The following CCBE1 variants were observed in gnomAD, a reference collection of about 807,000 sequenced individuals.
CCBE1 encodes the protein collagen and calcium-binding EGF domain-containing protein 1.
CCBE1 carries 37 observed loss-of-function variants against 50.0 expected under a neutral mutation model. That is an observed-to-expected ratio of 0.74 (90% CI 0.57 to 0.97). The LOEUF (loss-of-function observed/expected upper bound fraction) is 0.97. Ranked by LOEUF, CCBE1 falls within the 50% of genes least tolerant of loss-of-function variation. CCBE1 has a pLI of 0.00. For synonymous variants in CCBE1, 234 were observed against 203.7 expected, an observed-to-expected ratio of 1.15 and a Z score of -1.27; for missense variants, 538 against 523.8, an observed-to-expected ratio of 1.03 and a Z score of -0.26.
chr18:59,659,444 T>C (rs916158429), intron 2 of CCBE1, among the ~76,000 whole-genome samples: 1 of 151,970 alleles, frequency 6.6e-6, no homozygotes, highest in African/African-American at 2.4e-5. Flanking sequence ...CATGAAAAGG[T>C]GGGGAGGTGG....
chr18:59,608,699 T>C (rs371114208), intron 2 of CCBE1, among the ~76,000 whole-genome samples: 2 of 152,328 alleles, frequency 1.3e-5, no homozygotes, highest in East Asian at 1.9e-4. Context: ...TGTGGATGAG[T>C]GAAAACGTCT....
rs773974126 is a variant in CCBE1, at chr18:59,466,914, A to G, written c.401-23T>C. ...TATCTGGTTTGAACCAAATGTAGAG[A>G]ATACTAAGTTTCTGAGAATTCACTT... On this transcript the variant is annotated intron_variant, in intron 4 of 10. Coordinates refer to ENST00000439986, the MANE Select transcript of CCBE1 (RefSeq NM_133459.4). 2.5e-6 allele frequency: 4 copies of G among 1,604,628 alleles called. No homozygotes were observed. The South Asian group carries it at 4.4e-5, about 18-fold the overall frequency.
intron 2 of CCBE1, among the ~76,000 whole-genome samples, chr18:59,481,261 A>G (rs942131140): frequency 1.3e-5 from 2 of 152,154 alleles, no homozygotes; most frequent in African/African-American, 4.8e-5. Flanking sequence ...GAATTTGAAA[A>G]TAAATGAAAA....
chr18:59,473,796 A>ACCT (rs1276503586), intron 3 of CCBE1, among the ~76,000 whole-genome samples: 6 of 458 alleles, frequency 0.013, no homozygotes, highest in Admixed American at 0.077. Flanking sequence ...ACTACTCATC[A>ACCT]TCCAACCCTC....
intron 2 of CCBE1, among the ~76,000 whole-genome samples, chr18:59,560,639 A>T (rs1332684826): frequency 6.6e-6 from 1 of 152,218 alleles, no homozygotes; most frequent in Non-Finnish European, 1.5e-5. Flanking sequence ...GGGATTAAAC[A>T]AAACAAAAAC....
intron 2 of CCBE1, among the ~76,000 whole-genome samples, chr18:59,569,723 C>T (rs373781038): frequency 6.6e-6 from 1 of 152,148 alleles, no homozygotes. Context: ...CAGCTTCAAA[C>T]TCCCAGGCTC....
chr18:59,694,924 T>A (rs377739254), intron 2 of CCBE1, among the ~76,000 whole-genome samples: 1 of 152,194 alleles, frequency 6.6e-6, no homozygotes, highest in Non-Finnish European at 1.5e-5. Context: ...TAAAATGTCA[T>A]TTTTGCGAGA....
intron 2 of CCBE1, among the ~76,000 whole-genome samples, chr18:59,657,655 C>G (rs915995479): frequency 6.6e-6 from 1 of 152,174 alleles, no homozygotes; most frequent in Non-Finnish European, 1.5e-5. Context: ...ACTTTGGGAT[C>G]TGAGGCGGAC....
chr18:59,680,451 C>A (rs2054572632), intron 2 of CCBE1, among the ~76,000 whole-genome samples: 1 of 151,988 alleles, frequency 6.6e-6, no homozygotes, highest in Non-Finnish European at 1.5e-5. Context: ...GTAATCCCAG[C>A]ACTTTGGGAG....
intron 2 of CCBE1, among the ~76,000 whole-genome samples, chr18:59,695,502 C>T (rs2054793593): frequency 6.6e-6 from 1 of 152,160 alleles, no homozygotes; most frequent in Admixed American, 6.5e-5. Flanking sequence ...GATTATTGTC[C>T]CTTCACTGCC....
At chr18:59,446,549 G>A (rs1242504898) in intron 7 of CCBE1, among the ~76,000 whole-genome samples, 1 of 152,182 alleles carries the variant, frequency 6.6e-6, no homozygotes, top group African/African-American at 2.4e-5. Flanking sequence ...TGGATGGACG[G>A]AGACTCAGGC....
chr18:59,550,877 C>T (rs1481670597), intron 2 of CCBE1, among the ~76,000 whole-genome samples: 6 of 150,914 alleles, frequency 4.0e-5, no homozygotes, highest in East Asian at 1.9e-4. Flanking sequence ...TGGTGGTGGG[C>T]GGCTGTAGTC....
intron 2 of CCBE1, among the ~76,000 whole-genome samples, chr18:59,570,154 A>G (rs1297177009): frequency 6.6e-6 from 1 of 152,150 alleles, no homozygotes; most frequent in East Asian, 1.9e-4. Flanking sequence ...TTCCTTTAGG[A>G]GCTTAGGATC....
intron 10 of CCBE1, among the ~76,000 whole-genome samples, chr18:59,437,064 G>A (rs764402895): frequency 2.6e-5 from 4 of 152,152 alleles, no homozygotes; most frequent in South Asian, 2.1e-4. Flanking sequence ...AAGTTGAGAG[G>A]ATGTTGTAAA....
At position 59,435,632 on chromosome 18, in the gene CCBE1, AT is replaced by A; in HGVS notation, c.*275del. 2.1e-6 allele frequency: 1 copy of A among 485,608 alleles called. No individual in the cohort carries two copies. The highest frequency in any genetic ancestry group is 3.7e-6 in the Non-Finnish European group (1 of 268,466). 30.1% of individuals were successfully genotyped at this position (485,608 alleles called of 1,614,324 possible). A position where few individuals can be genotyped will look rare whatever the true frequency, so the allele number is the denominator to read the frequency against. ...ACTTAAATCCAAAGTTCCTGGAAAA[AT>A]AGGATGTAAAAGAAAAGTTACAATG... On this transcript the variant is annotated 3_prime_UTR_variant, in exon 11 of 11. Transcript: ENST00000439986.
chr18:59,623,498 T>C (rs998389664), intron 2 of CCBE1, among the ~76,000 whole-genome samples: 1 of 152,224 alleles, frequency 6.6e-6, no homozygotes, highest in African/African-American at 2.4e-5. Flanking sequence ...CTTGGTCACC[T>C]GCCTCTTACT....
At chr18:59,590,310 C>T (rs115946497) in intron 2 of CCBE1, among the ~76,000 whole-genome samples, 1,661 of 152,064 alleles carry the variant, frequency 0.011, 22 homozygotes, top group East Asian at 0.032. Flanking sequence ...ATAAAATGCT[C>T]AGAAAAAAGC....
chr18:59,653,724 C>A (rs1273890441), intron 2 of CCBE1, among the ~76,000 whole-genome samples: 1 of 152,170 alleles, frequency 6.6e-6, no homozygotes, highest in South Asian at 2.1e-4. Context: ...ACGCTGACAT[C>A]CAGGGGTTAA....
chr18:59,526,082 C>G (rs577518958), intron 2 of CCBE1, among the ~76,000 whole-genome samples: 1 of 152,170 alleles, frequency 6.6e-6, no homozygotes, highest in South Asian at 2.1e-4. Flanking sequence ...GATTTTGGTT[C>G]TATATGAATT....
Sources: gnomAD v4.1 joint callset for allele counts (sites outside exome capture counted in the v4.1 genomes callset) on GRCh38, gnomAD v4.1.1 for gene constraint, MANE v1.5 for transcripts, NCBI Gene and HGNC (gene_info 2026-07-23, HGNC 2026-07-21) for gene names.